The following CAMK2D variants were observed in gnomAD, a reference collection of about 807,000 sequenced individuals.
CAMK2D encodes the protein calcium/calmodulin-dependent protein kinase type II subunit delta.
CAMK2D carries 37 observed loss-of-function variants against 84.0 expected under a neutral mutation model. That is an observed-to-expected ratio of 0.44 (90% confidence interval 0.34 to 0.58). The LOEUF (loss-of-function observed/expected upper bound fraction) is 0.58. CAMK2D is among the 20% of genes least tolerant of loss of function. CAMK2D has a pLI of 0.02. For synonymous variants in CAMK2D, 202 were observed against 212.5 expected, an observed-to-expected ratio of 0.95 and a Z score of 0.43; for missense variants, 448 against 652.5, an observed-to-expected ratio of 0.69 and a Z score of 3.41.
At chr4:113,606,336 G>C (rs2098976929) in intron 4 of CAMK2D, among the ~76,000 whole-genome samples, 1 of 151,942 alleles carries the variant, frequency 6.6e-6, no homozygotes, top group Non-Finnish European at 1.5e-5. Context: ...CCGGCATGGT[G>C]GCGCGCGCCT....
chr4:113,530,750 C>G (rs1416871055), intron 8 of CAMK2D, among the ~76,000 whole-genome samples: 2 of 152,154 alleles, frequency 1.3e-5, no homozygotes, highest in African/African-American at 4.8e-5. Flanking sequence ...AATCTCCTGG[C>G]ACCTTGATTT....
At chr4:113,495,297 A>T (rs1291376328) in intron 16 of CAMK2D, among the ~76,000 whole-genome samples, 4 of 152,182 alleles carry the variant, frequency 2.6e-5, no homozygotes, top group Admixed American at 6.5e-5. Context: ...TAATTATCAA[A>T]AGTCCCTCAA....
intron 4 of CAMK2D, among the ~76,000 whole-genome samples, chr4:113,598,402 C>T (rs924089846): frequency 6.6e-6 from 1 of 152,016 alleles, no homozygotes; most frequent in Non-Finnish European, 1.5e-5. Flanking sequence ...GATCACACAC[C>T]TATGTTTTAT....
intron 4 of CAMK2D, among the ~76,000 whole-genome samples, chr4:113,588,605 T>C (rs1487886734): frequency 6.6e-6 from 1 of 152,190 alleles, no homozygotes; most frequent in Non-Finnish European, 1.5e-5. Context: ...TGAGGCACCA[T>C]TATGTAACCA....
chr4:113,702,457 T>C (rs1244880253), intron 2 of CAMK2D, among the ~76,000 whole-genome samples: 1 of 152,162 alleles, frequency 6.6e-6, no homozygotes, highest in South Asian at 2.1e-4. Flanking sequence ...TGCTTAAGAA[T>C]AGCACTATTG....
At chr4:113,508,305 A>C (rs2098160097) in intron 13 of CAMK2D, 2 of 1,445,806 alleles carry the variant, frequency 1.4e-6, no homozygotes, top group Non-Finnish European at 1.9e-6. Flanking sequence ...AAAAGAAAAA[A>C]AAATATGACC....
At chr4:113,726,265 C>T (rs2099545468) in intron 2 of CAMK2D, among the ~76,000 whole-genome samples, 1 of 151,686 alleles carries the variant, frequency 6.6e-6, no homozygotes, top group Non-Finnish European at 1.5e-5. Flanking sequence ...CTTTTACTCT[C>T]ATTAGTTTTG....
chr4:113,639,837 T>C (rs2058729049), intron 3 of CAMK2D, among the ~76,000 whole-genome samples: 1 of 150,284 alleles, frequency 6.7e-6, no homozygotes, highest in South Asian at 2.1e-4. Flanking sequence ...TTTTAGAATT[T>C]AGCCTGATAA....
chr4:113,458,486 A>AATT (rs1191833975), intron 18 of CAMK2D, among the ~76,000 whole-genome samples: 2 of 152,202 alleles, frequency 1.3e-5, no homozygotes, highest in Non-Finnish European at 2.9e-5. Flanking sequence ...ATTATGAAGG[A>AATT]ATTATATTTA....
chr4:113,641,057 T>A (rs1312654767), intron 3 of CAMK2D, among the ~76,000 whole-genome samples: 5 of 152,260 alleles, frequency 3.3e-5, no homozygotes, highest in African/African-American at 4.8e-5. Flanking sequence ...GCTGAGTATT[T>A]TCATGTGTAA....
chr4:113,606,441 G>T (rs753552195), intron 4 of CAMK2D, among the ~76,000 whole-genome samples: 26 of 151,334 alleles, frequency 1.7e-4, no homozygotes, highest in Non-Finnish European at 3.4e-4. Flanking sequence ...CTGCACTCAA[G>T]CCTGAATCGC....
In CAMK2D at chr4:113,547,676, G is replaced by A. The variant is rs1056476389; in HGVS notation, c.382C>T (p.His128Tyr). The A allele has an allele frequency of 3.2e-6, 5 of 1,570,738 alleles. No homozygotes were observed. The highest frequency in any genetic ancestry group is 4.3e-6 in the Non-Finnish European group (5 of 1,165,476). The change falls in exon 6 of 21, where the codon CAT becomes TAT. Residue 128 changes from histidine to tyrosine, a missense_variant. Around this residue, in one of 7 missense-constraint regions of CAMK2D, gnomAD observed 60 missense variants for 70.0 expected, o/e 0.86. Transcript: ENST00000511664. The stretch of plus-strand genomic sequence containing the variant: ...TCCCGATGGACCACGCCCATCTGAT[G>A]GCAGTGTAGCACAGCCTCCAGGATC... ...QQILEAVLHCHQMGVVHRDLK... is the reference protein window; with the variant it reads ...QQILEAVLHCYQMGVVHRDLK...
intron 17 of CAMK2D, among the ~76,000 whole-genome samples, chr4:113,463,574 C>T (rs1463250558): frequency 6.6e-6 from 1 of 152,116 alleles, no homozygotes; most frequent in Non-Finnish European, 1.5e-5. Context: ...TGGGGTTTCT[C>T]CATGCTGGTC....
intron 3 of CAMK2D, among the ~76,000 whole-genome samples, chr4:113,609,664 A>G (rs1182730955): frequency 6.6e-6 from 1 of 152,100 alleles, no homozygotes; most frequent in Non-Finnish European, 1.5e-5. Flanking sequence ...ACTACAACAG[A>G]CAGTAAGAGG....
intron 2 of CAMK2D, among the ~76,000 whole-genome samples, chr4:113,740,828 T>C (rs1593952372): frequency 6.6e-6 from 1 of 152,148 alleles, no homozygotes; most frequent in Non-Finnish European, 1.5e-5. Flanking sequence ...GTCTCCTAAC[T>C]ATAGTAGTCT....
At chr4:113,607,511 T>C (rs1262095761) in intron 4 of CAMK2D, among the ~76,000 whole-genome samples, 3 of 152,072 alleles carry the variant, frequency 2.0e-5, no homozygotes, top group African/African-American at 7.2e-5. Flanking sequence ...CATTCCACCA[T>C]TGTGATTTGT....
At chr4:113,542,487 G>A (rs1025321550) in intron 6 of CAMK2D, among the ~76,000 whole-genome samples, 2 of 150,834 alleles carry the variant, frequency 1.3e-5, no homozygotes, top group Non-Finnish European at 1.5e-5. Flanking sequence ...AGGCCGAGAC[G>A]GGCGGATCAC....
intron 16 of CAMK2D, among the ~76,000 whole-genome samples, chr4:113,487,687 A>G (rs1590016802): frequency 6.6e-6 from 1 of 152,186 alleles, no homozygotes; most frequent in African/African-American, 2.4e-5. Context: ...CATTTTGGAT[A>G]TTCAGGTTGG....
chr4:113,629,909 G>GT (rs1179862519), intron 3 of CAMK2D, among the ~76,000 whole-genome samples: 1 of 150,842 alleles, frequency 6.6e-6, no homozygotes, highest in Non-Finnish European at 1.5e-5. Context: ...AATTCACAAT[G>GT]TTTAAAAAAA....
Sources: allele counts gnomAD v4.1 joint callset (sites outside exome capture counted in the v4.1 genomes callset), GRCh38; gene constraint gnomAD v4.1.1; regional missense constraint gnomAD v4.1.1; transcripts MANE v1.5; gene names NCBI Gene and HGNC (gene_info 2026-07-23, HGNC 2026-07-21).